PCDHGA4: variants seen among roughly 807,000 people sequenced by gnomAD.
PCDHGA4 encodes protocadherin gamma-A4.
Under a neutral mutation model 54.6 loss-of-function variants are expected in PCDHGA4, and 38 were observed. The ratio of observed to expected loss-of-function variants is 0.70; its 90% CI spans 0.54 to 0.91. PCDHGA4 has a LOEUF of 0.91. PCDHGA4 is among the 40% of genes least tolerant of loss of function. The probability of loss-of-function intolerance (pLI) is 0.00; values close to 1 mark genes in which losing one functional copy is unlikely to be tolerated. For synonymous variants in PCDHGA4, 511 were observed against 512.9 expected, an observed-to-expected ratio of 1.00 and a Z score of 0.05; for missense variants, 1,298 against 1,220.9, an observed-to-expected ratio of 1.06 and a Z score of -0.94.
intron 1 of PCDHGA4, chr5:141,392,710 C>T: frequency 7.4e-7 from 1 of 1,345,380 alleles, no homozygotes; most frequent in Non-Finnish European, 9.8e-7. Flanking sequence ...TGGAGGCACT[C>T]CAGGTTTCCG....
chr5:141,382,939 T>C (rs765145573), intron 1 of PCDHGA4: 3 of 1,594,910 alleles, frequency 1.9e-6, no homozygotes, highest in South Asian at 2.2e-5. Context: ...CAGAGGATTC[T>C]TCCTGCTCTC....
chr5:141,395,605 A>G (rs1344642467), intron 1 of PCDHGA4: 3 of 198,976 alleles, frequency 1.5e-5, no homozygotes, highest in Non-Finnish European at 3.0e-5. Context: ...CCAAACTAGA[A>G]CTTCAGAAAA....
chr5:141,486,189 A>T lies in PCDHGA4; in HGVS notation c.2515-8618A>T, dbSNP rs761466492. 6.2e-7 allele frequency: 1 copy of T among 1,614,062 alleles called. No individual in the cohort carries two copies. Among genetic ancestry groups the T allele is most frequent in the Non-Finnish European group, 8.5e-7 (1 of 1,179,994 alleles). ...GAGCAACATTGCAGCCTTCGAGTGG[A>T]TCTGCTGGACGTAAATGACAATGCC... is the stretch of plus-strand genomic sequence containing the variant. On this transcript the variant is annotated intron_variant, in intron 1 of 3. Coordinates refer to ENST00000571252, the MANE Select transcript of PCDHGA4 (RefSeq NM_018917.4). The surrounding 1 kb of genome is among the most constrained non-coding windows in gnomAD (Gnocchi z 5.0).
rs779191558 is a variant in PCDHGA4 at position 141,491,465 on chromosome 5, A to T, written c.2515-3342A>T. 3.1e-6 allele frequency: 5 copies of T among 1,614,092 alleles called. No homozygotes were observed. Among genetic ancestry groups the T allele is most frequent in the Non-Finnish European group, 4.2e-6 (5 of 1,180,010 alleles). On this transcript the variant is annotated intron_variant, in intron 1 of 3. Transcript: ENST00000571252. The surrounding 1 kb of genome is among the most constrained non-coding windows in gnomAD (Gnocchi z 6.9). ...CAGGACTCACCCTCCCCGGACTTCT[A>T]TAAGCAGTCCAGCCCCAACCTGCAG... is the stretch of plus-strand genomic sequence containing the variant.
chr5:141,496,839 A>G (rs2099771783), intron 2 of PCDHGA4, among the ~76,000 whole-genome samples: 1 of 151,484 alleles, frequency 6.6e-6, no homozygotes. Flanking sequence ...CAGAACTCAT[A>G]GGCTTCCAGA....
At chr5:141,450,599 G>T (rs569531886) in intron 1 of PCDHGA4, among the ~76,000 whole-genome samples, 11 of 150,286 alleles carry the variant, frequency 7.3e-5, no homozygotes, top group African/African-American at 2.7e-4. Flanking sequence ...CAATTCTCCT[G>T]CCTCAGCCTC....
rs1433429634 is a variant in PCDHGA4 at position 141,486,311 on chromosome 5, G to T, written c.2515-8496G>T. 1.2e-6 allele frequency: 2 copies of T among 1,613,956 alleles called. No homozygotes were observed. Among genetic ancestry groups the T allele is most frequent in the African/African-American group, 2.7e-5 (2 of 74,892 alleles). On this transcript the variant is annotated intron_variant, in intron 1 of 3. Transcript: ENST00000571252. The surrounding 1 kb of genome is among the most constrained non-coding windows in gnomAD (Gnocchi z 5.0). The stretch of plus-strand genomic sequence containing the variant: ...TATCAGTGTGCAGGATCCAGACTCA[G>T]GGTCAAACGGAGATGTGAGCCTCCG...
chr5:141,388,871 C>G, intron 1 of PCDHGA4: 1 of 1,613,930 alleles, frequency 6.2e-7, no homozygotes, highest in Non-Finnish European at 8.5e-7. Flanking sequence ...TTGCGCAATG[C>G]ACAGTGGAGG....
rs10038103 is a variant in PCDHGA4 at position 141,414,849 on chromosome 5, C to T, written c.2514+57228C>T. On this transcript the variant is annotated intron_variant, in intron 1 of 3. Transcript: ENST00000571252. ...TGTCGTTGAGCCTGTTTGTGCTGGA[C>T]CAGAACGACAATGCGCCCGAGATCC... The T allele has an allele frequency of 7.9e-4, 1,268 of 1,614,252 alleles. 15 individuals carry two copies. In the African/African-American group the frequency reaches 0.015, roughly 19 times the overall value.
intron 1 of PCDHGA4, chr5:141,370,212 C>T (rs1028005275): frequency 4.8e-5 from 27 of 562,604 alleles, no homozygotes; most frequent in Middle Eastern, 4.6e-4. Context: ...ATATTGGCTC[C>T]TCCCGCTGCA....
intron 1 of PCDHGA4, chr5:141,440,369 G>A (rs2098171994): frequency 6.6e-6 from 1 of 152,156 alleles, no homozygotes; most frequent in African/African-American, 2.4e-5. Context: ...GGGGGGCCGA[G>A]GCAGGAGAAT....
intron 1 of PCDHGA4, chr5:141,403,199 A>AC (rs1480420470): frequency 6.2e-7 from 1 of 1,613,812 alleles, no homozygotes; most frequent in African/African-American, 1.3e-5. Flanking sequence ...GCGCAGCGGC[A>AC]CCTTGGTCAC....
chr5:141,494,762 A>G (rs770570158), intron 1 of PCDHGA4, 45 bp from the exon 2 acceptor site: 1 of 1,613,200 alleles, frequency 6.2e-7, no homozygotes, highest in South Asian at 1.1e-5. Flanking sequence ...TGACATTCTA[A>G]CTTCTCACGG....
intron 1 of PCDHGA4, chr5:141,404,622 A>G (rs1182540384): frequency 9.9e-6 from 16 of 1,614,156 alleles, no homozygotes; most frequent in Non-Finnish European, 1.4e-5. Flanking sequence ...GACCAGAATG[A>G]CAATGCCCCA....
intron 1 of PCDHGA4, chr5:141,430,868 G>A (rs1414256124): frequency 6.3e-7 from 1 of 1,597,104 alleles, no homozygotes; most frequent in Admixed American, 1.8e-5. Context: ...TTCAGTTCCG[G>A]AAGAGCTGGA....
At chr5:141,365,669 G>A (rs1304025932) in intron 1 of PCDHGA4, 2 of 1,613,344 alleles carry the variant, frequency 1.2e-6, no homozygotes, top group Admixed American at 3.3e-5. Flanking sequence ...AGACGTTAAT[G>A]ACAACCCACC....
chr5:141,385,048 C>A, intron 1 of PCDHGA4: 1 of 1,614,150 alleles, frequency 6.2e-7, no homozygotes, highest in Non-Finnish European at 8.5e-7. Flanking sequence ...GCTCAGGCTG[C>A]GGCGCTGGCA....
chr5:141,361,683 G>T lies in PCDHGA4; in HGVS notation c.2514+4062G>T, dbSNP rs1176018723. 5 of 1,613,592 alleles carry T rather than the reference G, an allele frequency of 3.1e-6. No individual in the cohort carries two copies. The South Asian group carries it at 5.5e-5, about 18-fold the overall frequency. ...GCGCGCAGAGCGGGGTGGTGTTCGC[G>T]CAGCGCGCCTTCGATCATGAGCAGC... is the stretch of plus-strand genomic sequence containing the variant. On this transcript the variant is annotated intron_variant, in intron 1 of 3. Transcript: ENST00000571252.
chr5:141,375,476 A>G, intron 1 of PCDHGA4: 1 of 1,613,926 alleles, frequency 6.2e-7, no homozygotes, highest in Non-Finnish European at 8.5e-7. Context: ...CCTTGAAAAC[A>G]ACCCCAGGGG....
Sources: allele counts gnomAD v4.1 joint callset (sites outside exome capture counted in the v4.1 genomes callset), GRCh38; gene constraint gnomAD v4.1.1; non-coding constraint Gnocchi (gnomAD v3.1); transcripts MANE v1.5; gene names NCBI Gene and HGNC (gene_info 2026-07-23, HGNC 2026-07-21).